Variants in ZNF454 observed in about 807,000 individuals in gnomAD.
ZNF454 encodes zinc finger protein 454.
A neutral mutation model predicts 48.2 loss-of-function variants in ZNF454; 30 were observed. That is an observed-to-expected ratio of 0.62 (90% CI 0.47 to 0.84). The LOEUF (loss-of-function observed/expected upper bound fraction) is 0.84, where lower values mean the gene tolerates loss of function less well. ZNF454 is among the 40% of genes least tolerant of loss of function. ZNF454 has a pLI of 0.00. For missense variants in ZNF454, 510 were observed against 623.1 expected (o/e 0.82, Z 1.93); for synonymous variants, 204 against 211.4 (o/e 0.97, Z 0.30).
At chr5:178,985,570 G>A in the ZNF454 span, 267 of 340,192 alleles carry the variant, frequency 7.8e-4, 2 homozygotes, top group South Asian at 1.4e-3. Flanking sequence ...GGGCGTGGTG[G>A]CGGGCGCCTG....
At chr5:178,986,283 C>T in the ZNF454 span, 1 of 1,614,096 alleles carries the variant, frequency 6.2e-7, no homozygotes, top group Non-Finnish European at 8.5e-7. Context: ...TGCCCAGGCC[C>T]AGGAAGAGCC....
At chr5:178,958,354 T>C (rs1448097031) in intron 4 of ZNF454, among the ~76,000 whole-genome samples, 1 of 152,258 alleles carries the variant, frequency 6.6e-6, no homozygotes, top group Admixed American at 6.5e-5. Context: ...CAGTATGTAC[T>C]CTTTTGTGTC....
At chr5:178,981,711 G>A in the ZNF454 span, 2 of 1,613,968 alleles carry the variant, frequency 1.2e-6, no homozygotes, top group Non-Finnish European at 1.7e-6. The surrounding 1 kb of genome is among the most constrained non-coding windows in gnomAD (Gnocchi z 5.1). Context: ...CCGTGGAGGT[G>A]GCCTTGAGGC....
downstream of ZNF454, chr5:178,969,732 C>A: frequency 2.2e-6 from 1 of 445,892 alleles, no homozygotes; most frequent in East Asian, 7.0e-5. Flanking sequence ...TCTCCTCCCA[C>A]CTCGGAGCGT....
intron 4 of ZNF454, among the ~76,000 whole-genome samples, chr5:178,949,678 G>A (rs945834285): frequency 7.2e-5 from 11 of 151,792 alleles, no homozygotes; most frequent in South Asian, 2.1e-4. Context: ...GTGCAGTGGC[G>A]CAATCTTGGT....
At chr5:178,986,173 G>C in the ZNF454 span, 4 of 1,613,846 alleles carry the variant, frequency 2.5e-6, no homozygotes, top group Non-Finnish European at 3.4e-6. Flanking sequence ...CTGTGAGGTG[G>C]GGCTGATGAA....
At chr5:178,987,435 G>A in the ZNF454 span, 17 of 457,944 alleles carry the variant, frequency 3.7e-5, no homozygotes, top group East Asian at 5.6e-4. Flanking sequence ...AAGAATGGAC[G>A]AACACGACGG....
At chr5:178,971,568 G>A in the ZNF454 span, among the ~76,000 whole-genome samples, 2 of 148,656 alleles carry the variant, frequency 1.3e-5, no homozygotes, top group South Asian at 2.2e-4. Flanking sequence ...GGCCAGCCCC[G>A]GCTGGGCGCG....
chr5:178,989,211 A>ACCCCCCC, the ZNF454 span: 1 of 121,706 alleles, frequency 8.2e-6, no homozygotes, highest in Non-Finnish European at 1.3e-5. Context: ...CCCCCTCCCC[A>ACCCCCCC]CCCTCACCAC....
chr5:178,985,814 T>C, the ZNF454 span: 2 of 521,482 alleles, frequency 3.8e-6, no homozygotes, highest in African/African-American at 1.9e-5. Context: ...CAAGCTGGAT[T>C]GTAGTGGTGC....
rs1759102410 is a variant in ZNF454 at position 178,941,862 on chromosome 5, G to T, written c.-108+418G>T. On this transcript the variant is annotated intron_variant, in intron 1 of 4. Coordinates refer to ENST00000519564, the MANE Select transcript of ZNF454 (RefSeq NM_001178089.3). This position sits in a 1 kb window ranked among gnomAD's most constrained non-coding sequence, Gnocchi z 5.5. ...AGTGAGAACACTGAGGCCAGAGAAG[G>T]GTTTGCCTGAGAGGCTTCGACAGTG... is the stretch of plus-strand genomic sequence containing the variant. Among the ~76,000 whole-genome samples the T allele has an allele frequency of 6.6e-6, 1 of 152,194 alleles. No individual in the cohort carries two copies. Among genetic ancestry groups the T allele is most frequent in the Non-Finnish European group, 1.5e-5 (1 of 68,036 alleles).
At chr5:178,952,440 A>G (rs1421639670) in intron 4 of ZNF454, among the ~76,000 whole-genome samples, 1 of 152,170 alleles carries the variant, frequency 6.6e-6, no homozygotes, top group Non-Finnish European at 1.5e-5. Flanking sequence ...ATTCGTTTAT[A>G]GGAGCTCTGT....
chr5:178,986,367 G>A, the ZNF454 span: 397 of 1,614,100 alleles, frequency 2.5e-4, 2 homozygotes, highest in South Asian at 8.8e-4. Context: ...GGAAGATGCC[G>A]GTGAGGAGGA....
chr5:178,989,211 A>AAGCCCCCCCC, the ZNF454 span: 1 of 121,732 alleles, frequency 8.2e-6, no homozygotes, highest in Non-Finnish European at 1.3e-5. Flanking sequence ...CCCCCTCCCC[A>AAGCCCCCCCC]CCCTCACCAC....
intron 1 of ZNF454, 114 bp from the exon 2 acceptor site, chr5:178,942,571 C>T (rs1329810622): frequency 3.9e-6 from 2 of 515,488 alleles, no homozygotes; most frequent in South Asian, 3.1e-5. Flanking sequence ...GGGGAGCAAA[C>T]AGGAACCAAA....
At position 178,964,674 on chromosome 5, in the gene ZNF454, C is replaced by A. The variant is rs754196771; in HGVS notation, c.270C>A (p.Ala90=). 1.2e-6 allele frequency: 2 copies of A among 1,612,770 alleles called. No homozygotes were observed. The highest frequency in any genetic ancestry group is 1.7e-6 in the Non-Finnish European group (2 of 1,178,980). Residue 90 remains alanine, a synonymous_variant, in exon 5 of 5, where the codon GCC becomes GCA. Transcript: ENST00000519564. ...GFCLDWMTMP[A]SKKSTVKAEI... ...TTTCAGACTGGATGACTATGCCTGC[C>A]AGTAAGAAATCTACTGTCAAGGCAG...
intron 4 of ZNF454, among the ~76,000 whole-genome samples, chr5:178,958,888 G>A (rs1759884916): frequency 2.0e-5 from 3 of 151,978 alleles, no homozygotes; most frequent in Admixed American, 2.0e-4. Context: ...TTTTGTTATT[G>A]GCTTATAGGG....
Position 178,955,142 on chromosome 5 carries a change from T to A in ZNF454, c.250+8156T>A, listed in dbSNP as rs191201463. On this transcript the variant is annotated intron_variant, in intron 4 of 4. Coordinates refer to ENST00000519564, the MANE Select transcript of ZNF454 (RefSeq NM_001178089.3). ...AACTCCGTAATAAACTGTGAAACTA[T>A]TTTCAAAGCAACCATTCCATTCTGT... 3.0e-4 allele frequency among the ~76,000 whole-genome samples: 46 copies of A among 152,350 alleles called. No homozygotes were observed. In the Middle Eastern group the frequency reaches 0.017, roughly 56 times the overall value.
chr5:178,973,792 G>A, the ZNF454 span, among the ~76,000 whole-genome samples: 2 of 147,966 alleles, frequency 1.4e-5, no homozygotes, highest in Non-Finnish European at 3.0e-5. Flanking sequence ...GCAGTGAGCC[G>A]AGATCGCGCC....
Sources: allele counts gnomAD v4.1 joint callset (sites outside exome capture counted in the v4.1 genomes callset), GRCh38; gene constraint gnomAD v4.1.1; non-coding constraint Gnocchi (gnomAD v3.1); transcripts MANE v1.5; gene names NCBI Gene and HGNC (gene_info 2026-07-23, HGNC 2026-07-21).